The following ZNF283 variants were observed in gnomAD, a reference collection of about 807,000 sequenced individuals.
ZNF283 encodes zinc finger protein 41.
In ZNF283, 10 loss-of-function variants were observed where a neutral mutation model predicts 9.2. The ratio of observed to expected loss-of-function variants is 1.09; its 90% CI spans 0.67 to 1.85. The LOEUF is 1.85. Ranked by LOEUF, ZNF283 falls within the 40% of genes most tolerant of loss-of-function variation. The probability of loss-of-function intolerance (pLI) is 0.00; values close to 1 mark genes in which losing one functional copy is unlikely to be tolerated. For synonymous variants in ZNF283, 234 were observed against 244.1 expected (o/e 0.96, Z 0.38); for missense variants, 631 against 760.1 (o/e 0.83, Z 2.00).
chr19:43,840,486 T>A (rs937776833), intron 6 of ZNF283, among the ~76,000 whole-genome samples: 8 of 152,088 alleles, frequency 5.3e-5, no homozygotes, highest in African/African-American at 1.9e-4. Flanking sequence ...AGGAAGTGAT[T>A]AGTTGGTACA....
At position 43,847,458 on chromosome 19, in the gene ZNF283, C is replaced by G; in HGVS notation, c.857C>G (p.Thr286Ser). 1 of 1,613,818 alleles carries G rather than the reference C, an allele frequency of 6.2e-7. No individual in the cohort carries two copies. The highest frequency in any genetic ancestry group is 1.1e-5 in the South Asian group (1 of 91,058). ...SSLVKHERIH[T>S]GEKPYECKEC... is the part of the protein sequence containing the mutation. ...CTTGTTAAACATGAGAGAATTCACACTGGTGAGAAACCCTATGAATGTAAA... is the reference window on the plus strand; with the variant it reads ...CTTGTTAAACATGAGAGAATTCACAGTGGTGAGAAACCCTATGAATGTAAA... The change falls in exon 7 of 7, where the codon ACT (threonine) becomes AGT (serine). Residue 286 changes from threonine (T) to serine (S), a missense_variant. Around this residue, in one of 3 missense-constraint regions of ZNF283, gnomAD observed 444 missense variants for 522.5 expected, o/e 0.85. Transcript: ENST00000618787.
intron 6 of ZNF283, 46 bp downstream of exon 6, chr19:43,837,225 A>T (rs1432471953): frequency 5.9e-6 from 9 of 1,522,980 alleles, no homozygotes; most frequent in Non-Finnish European, 7.0e-6. Context: ...TCTTTGCATC[A>T]TCAGTTTTCT....
At chr19:43,840,403 C>T (rs952497811) in intron 6 of ZNF283, among the ~76,000 whole-genome samples, 3 of 152,150 alleles carry the variant, frequency 2.0e-5, no homozygotes, top group Non-Finnish European at 4.4e-5. Flanking sequence ...TCACGCTGCC[C>T]ACCCAGGTCC....
rs764585727 is a variant in ZNF283, at chr19:43,848,411, T to G, written c.1810T>G (p.Cys604Gly). 3.7e-6 allele frequency: 6 copies of G among 1,614,022 alleles called. No homozygotes were observed. In the South Asian group the frequency reaches 6.6e-5, roughly 18 times the overall value. ...TNEKSYECKD[C>G]GKAFGSGYQL... ...TGAGAAGTCTTATGAATGTAAAGAC[T>G]GTGGGAAGGCCTTTGGTAGTGGCTA... The change falls in exon 7 of 7, where the codon TGT becomes GGT. Residue 604 changes from cysteine to glycine, a missense_variant. Transcript: ENST00000618787.
chr19:43,834,242 CA>C (rs1970851889), intron 4 of ZNF283, among the ~76,000 whole-genome samples: 1 of 151,546 alleles, frequency 6.6e-6, no homozygotes, highest in African/African-American at 2.4e-5. Context: ...AAAGTAGAAT[CA>C]AAACCTCATT....
chr19:43,843,247 A>C (rs1345857240), intron 6 of ZNF283, among the ~76,000 whole-genome samples: 2 of 152,228 alleles, frequency 1.3e-5, no homozygotes, highest in Admixed American at 6.5e-5. Flanking sequence ...AGGCTGAGGC[A>C]GGAGAATCGC....
chr19:43,831,369 T>C lies in ZNF283; in HGVS notation c.-13T>C. On this transcript the variant is annotated 5_prime_UTR_variant, in exon 3 of 7. An upstream start codon of the reference 5' UTR is lost. Transcript: ENST00000618787. ...ATTACATTGAATAACAGCTACAGGA[T>C]GTTCGAGAGCTGGTAGGTGTAAATT... is the stretch of plus-strand genomic sequence containing the variant. 1.3e-6 allele frequency: 2 copies of C among 1,595,720 alleles called. No homozygotes were observed. Among genetic ancestry groups the C allele is most frequent in the South Asian group, 2.2e-5 (2 of 90,208 alleles).
intron 3 of ZNF283, among the ~76,000 whole-genome samples, chr19:43,832,748 G>A (rs1383862596): frequency 2.6e-5 from 4 of 152,160 alleles, no homozygotes; most frequent in Non-Finnish European, 4.4e-5. Flanking sequence ...AAGCCTGGTG[G>A]CTTGCACCTG....
In ZNF283 at chr19:43,829,401, C is replaced by CA. The variant is rs561799661; in HGVS notation, c.-65+1127dup. On this transcript the variant is annotated intron_variant, in intron 2 of 6. Transcript: ENST00000618787. The stretch of plus-strand genomic sequence containing the variant: ...CTCCATCTCGAAAAAACAGCAACAA[C>CA]AAAAAAATTAAGGCTCTGGATCCAA... Among the ~76,000 whole-genome samples, 328 of 152,038 alleles carry CA rather than the reference C, an allele frequency of 2.2e-3. 4 individuals are homozygous for CA. Among genetic ancestry groups the CA allele is most frequent in the African/African-American group, 7.4e-3 (307 of 41,486 alleles).
chr19:43,846,113 C>T (rs533901224), intron 6 of ZNF283, among the ~76,000 whole-genome samples: 58 of 152,166 alleles, frequency 3.8e-4, no homozygotes, highest in Non-Finnish European at 6.6e-4. Flanking sequence ...TTATTAGTAA[C>T]TCTCAAGATC....
Position 43,847,903 on chromosome 19 carries a change from A to G in ZNF283, c.1302A>G (p.Lys434=), listed in dbSNP as rs778515466. 6.2e-7 allele frequency: 1 copy of G among 1,613,304 alleles called. No individual in the cohort carries two copies. The highest frequency in any genetic ancestry group is 2.2e-5 in the East Asian group (1 of 44,788). The change falls in exon 7 of 7, where the codon AAA becomes AAG. Residue 434 remains lysine (K), a synonymous_variant. Transcript: ENST00000618787. ...CTGGTGAGAAACCTTATGAATGTAA[A>G]GAATGTGGAAAGGCCTTTAGTCGTG... ...IHTGEKPYEC[K]ECGKAFSRGY...
chr19:43,835,171 C>T (rs569663707), intron 4 of ZNF283, among the ~76,000 whole-genome samples: 20 of 152,112 alleles, frequency 1.3e-4, no homozygotes, highest in Non-Finnish European at 2.2e-4. Flanking sequence ...CATGTTTTGA[C>T]CAACTTCCTT....
At chr19:43,837,574 C>T (rs1234275151) in intron 6 of ZNF283, 2 of 292,454 alleles carry the variant, frequency 6.8e-6, no homozygotes, top group Non-Finnish European at 6.2e-6. Context: ...GCTTTGATAA[C>T]TTGCCCATTT....
At position 43,846,837 on chromosome 19, in the gene ZNF283, G is replaced by T. The variant is rs114205614; in HGVS notation, c.338-102G>T. 1,777 of 912,718 alleles carry T rather than the reference G, an allele frequency of 1.9e-3. 15 individuals are homozygous for T. The African/African-American group carries it at 0.022, about 12-fold the overall frequency. The allele number at this position is 912,718 out of a possible 1,614,324, so 56.5% of individuals were successfully genotyped here. ...GGAGTGCCTTAATGCCAAGGAGTGA[G>T]TTCAGTAAGTCTCCTAATTTGTCTT... On this transcript the variant is annotated intron_variant, in intron 6 of 6. Transcript: ENST00000618787.
chr19:43,831,246 G>A (rs962643333), intron 2 of ZNF283, 72 bp from the exon 3 acceptor site: 68 of 1,092,192 alleles, frequency 6.2e-5, no homozygotes, highest in South Asian at 2.2e-4. Context: ...ACCAAATACT[G>A]TTTTGTTTAT....
At chr19:43,845,950 A>G (rs1307234081) in intron 6 of ZNF283, among the ~76,000 whole-genome samples, 1 of 152,144 alleles carries the variant, frequency 6.6e-6, no homozygotes, top group Non-Finnish European at 1.5e-5. Flanking sequence ...TATCACATTG[A>G]TTTTTGACAG....
At chr19:43,836,979 C>A (rs1971007539) in intron 5 of ZNF283, 74 bp from the exon 6 acceptor site, 1 of 1,540,804 alleles carries the variant, frequency 6.5e-7, no homozygotes, top group Non-Finnish European at 8.9e-7. Flanking sequence ...GTAGTTCATC[C>A]TTTGTACCCT....
At chr19:43,830,278 A>G (rs915971042) in intron 2 of ZNF283, among the ~76,000 whole-genome samples, 7 of 151,914 alleles carry the variant, frequency 4.6e-5, no homozygotes, top group East Asian at 2.0e-4. Flanking sequence ...GGGTTTTGCT[A>G]TGTTGCCCAG....
At chr19:43,834,433 G>A (rs1458696486) in intron 4 of ZNF283, among the ~76,000 whole-genome samples, 1 of 150,630 alleles carries the variant, frequency 6.6e-6, no homozygotes, top group Non-Finnish European at 1.5e-5. Context: ...TTTTTTTCTA[G>A]GCAAGACATA....
Sources: gnomAD v4.1 joint callset for allele counts (sites outside exome capture counted in the v4.1 genomes callset) on GRCh38, gnomAD v4.1.1 for gene constraint, gnomAD v4.1.1 regional missense constraint, MANE v1.5 for transcripts, NCBI Gene and HGNC (gene_info 2026-07-23, HGNC 2026-07-21) for gene names.